NBEAL2: variants seen among roughly 807,000 people sequenced by gnomAD.
NBEAL2 encodes neurobeachin like 2.
A neutral mutation model predicts 299.8 loss-of-function variants in NBEAL2; 160 were observed. The observed-to-expected ratio is 0.53, with a 90% CI of 0.47 to 0.61. NBEAL2 has a LOEUF of 0.61. NBEAL2 is among the 20% of genes least tolerant of loss of function. The probability of loss-of-function intolerance (pLI) is 0.00; values close to 1 mark genes in which losing one functional copy is unlikely to be tolerated. For synonymous variants in NBEAL2, 1,493 were observed against 1,542.3 expected, an observed-to-expected ratio of 0.97 and a Z score of 0.75; for missense variants, 3,112 against 3,649.0, an observed-to-expected ratio of 0.85 and a Z score of 3.79.
intron 52 of NBEAL2, 70 bp downstream of exon 52, chr3:47,008,738 G>T: frequency 6.3e-7 from 1 of 1,590,722 alleles, no homozygotes; most frequent in Non-Finnish European, 8.5e-7. Context: ...AAGGCCCTAG[G>T]AACCCACACA....
rs762269150 is a variant in NBEAL2, at chr3:46,995,486, C to T, written c.1751C>T (p.Thr584Met). ...CGTGCTCTGCGCTACTTTGACCTCA[C>T]GCCCAGCATGGCGGGCATCATGGTA... is the stretch of plus-strand genomic sequence containing the variant. ...PARALRYFDLTPSMAGIMVPP... is the reference protein window; with the variant it reads ...PARALRYFDLMPSMAGIMVPP... Residue 584 changes from threonine to methionine, a missense_variant, in exon 13 of 54, where the codon ACG becomes ATG. Around this residue, in one of 3 missense-constraint regions of NBEAL2, gnomAD observed 2,243 missense variants for 2,538.1 expected, o/e 0.88. Coordinates refer to ENST00000450053, the MANE Select transcript of NBEAL2 (RefSeq NM_015175.3). The T allele has an allele frequency of 1.9e-5, 30 of 1,612,774 alleles. No homozygotes were observed. Among genetic ancestry groups the T allele is most frequent in the African/African-American group, 2.7e-5 (2 of 74,944 alleles).
Position 46,988,955 on chromosome 3 carries a change from T to G in NBEAL2, c.254T>G (p.Phe85Cys). 1 of 1,612,764 alleles carries G rather than the reference T, an allele frequency of 6.2e-7. No homozygotes were observed. The highest frequency in any genetic ancestry group is 2.2e-5 in the East Asian group (1 of 44,836). ...CAAGCCCTCCTGCTGCTCAAGCTCT[T>G]CATCATTCTCTGCAGGTGTCTCTGT... ...LEQALLLLKL[F>C]IILCRNLENI... is the part of the protein sequence containing the mutation. The change falls in exon 3 of 54, where the codon TTC becomes TGC. Residue 85 changes from phenylalanine (F) to cysteine (C), a missense_variant. Around this residue, in one of 3 missense-constraint regions of NBEAL2, gnomAD observed 2,243 missense variants for 2,538.1 expected, o/e 0.88. Coordinates refer to ENST00000450053, the MANE Select transcript of NBEAL2 (RefSeq NM_015175.3). The surrounding 1 kb of genome is among the most constrained non-coding windows in gnomAD (Gnocchi z 4.4).
At position 46,999,696 on chromosome 3, in the gene NBEAL2, G is replaced by C. The variant is rs369313817; in HGVS notation, c.3770G>C (p.Arg1257Pro). 1 of 1,613,440 alleles carries C rather than the reference G, an allele frequency of 6.2e-7. No individual in the cohort carries two copies. Among genetic ancestry groups the C allele is most frequent in the Non-Finnish European group, 8.5e-7 (1 of 1,179,780 alleles). Residue 1257 changes from arginine to proline, a missense_variant, in exon 26 of 54, where the codon CGC becomes CCC. This residue lies in a region of NBEAL2 where 2,243 missense variants were observed against 2,538.1 expected (regional missense o/e 0.88). Transcript: ENST00000450053. The part of the protein sequence containing the change: ...QLSLQADLSV[R>P]LDICRQLFHL... The stretch of plus-strand genomic sequence containing the variant: ...TCCCTCCAGGCTGACCTCAGCGTTC[G>C]CCTAGACATCTGTCGCCAGGTGAGC...
chr3:47,007,815 G>C lies in NBEAL2; in HGVS notation c.7508-1G>C. Reference sequence around the variant, plus strand: ...GCCTGTACCCTCCCCTTCCCATGCAGATGTAGTAACCTGCCTTGCACTGGA... The same window carrying C: ...GCCTGTACCCTCCCCTTCCCATGCACATGTAGTAACCTGCCTTGCACTGGA... On this transcript the variant is annotated splice_acceptor_variant, in intron 48 of 53. Coordinates refer to ENST00000450053, the MANE Select transcript of NBEAL2 (RefSeq NM_015175.3). LOFTEE classifies it high-confidence loss of function. 1 of 1,613,148 alleles carries C rather than the reference G, an allele frequency of 6.2e-7. No individual in the cohort carries two copies. Among genetic ancestry groups the C allele is most frequent in the Non-Finnish European group, 8.5e-7 (1 of 1,179,620 alleles).
At chr3:46,998,663 C>A (rs1215229402) in intron 22 of NBEAL2, 54 bp from the exon 23 acceptor site, 1 of 1,553,716 alleles carries the variant, frequency 6.4e-7, no homozygotes, top group Non-Finnish European at 8.7e-7. Context: ...CCTGCCCACC[C>A]TCTCTCCCCG....
chr3:46,989,596 C>T lies in NBEAL2; in HGVS notation c.556+3C>T. 1 of 1,581,306 alleles carries T rather than the reference C, an allele frequency of 6.3e-7. No individual in the cohort carries two copies. The highest frequency in any genetic ancestry group is 8.6e-7 in the Non-Finnish European group (1 of 1,163,436). On this transcript the variant is annotated splice_donor_region_variant and intron_variant, in intron 6 of 53. Transcript: ENST00000450053. The surrounding 1 kb of genome is among the most constrained non-coding windows in gnomAD (Gnocchi z 5.5). ...GGAATTCAGCGCCTTCTTCCAAGGT[C>T]AGGCCCCGCCCCTGCCCCCACTTGG...
In NBEAL2 at chr3:47,007,148, A is replaced by G; in HGVS notation, c.7217A>G (p.Asp2406Gly). ...TCCTTCATCACCCAGGGTTCCCCAG[A>G]CCTGTTGGTAAGTGCATTGTGCAGA... is the stretch of plus-strand genomic sequence containing the variant. ...PHSFITQGSP[D>G]LLVTVSASGL... Residue 2406 changes from aspartate to glycine, a missense_variant, in exon 46 of 54, where the codon GAC becomes GGC. Around this residue, in one of 3 missense-constraint regions of NBEAL2, gnomAD observed 521 missense variants for 729.6 expected, o/e 0.71. Coordinates refer to ENST00000450053, the MANE Select transcript of NBEAL2 (RefSeq NM_015175.3). The G allele has an allele frequency of 2.5e-6, 4 of 1,613,566 alleles. No homozygotes were observed.
rs746102331 is a variant in NBEAL2, at chr3:47,008,503, C to G, written c.7879-17C>G. 4 of 1,611,408 alleles carry G rather than the reference C, an allele frequency of 2.5e-6. No individual in the cohort carries two copies. The highest frequency in any genetic ancestry group is 3.4e-6 in the Non-Finnish European group (4 of 1,177,888). On this transcript the variant is annotated splice_polypyrimidine_tract_variant and intron_variant, in intron 51 of 53. Coordinates refer to ENST00000450053, the MANE Select transcript of NBEAL2 (RefSeq NM_015175.3). ...AGTTGGGATCCTGTCCTTGCTGACA[C>G]TCCCTGCTTCCTCCAGGTCACCTAC...
Position 47,000,553 on chromosome 3 carries a change from C to A in NBEAL2, c.4305+149C>A. ...CAGGCCTATTGCTGTCCCCTCATAG[C>A]TCTCATCTGCAGTTGTGTTCCCAGA... is the stretch of plus-strand genomic sequence containing the variant. On this transcript the variant is annotated intron_variant, in intron 27 of 53. Coordinates refer to ENST00000450053, the MANE Select transcript of NBEAL2 (RefSeq NM_015175.3). This position sits in a 1 kb window ranked among gnomAD's most constrained non-coding sequence, Gnocchi z 4.5. The A allele has an allele frequency of 9.5e-7, 1 of 1,049,670 alleles. No homozygotes were observed. Among genetic ancestry groups the A allele is most frequent in the Non-Finnish European group, 1.4e-6 (1 of 735,794 alleles). The allele number at this position is 1,049,670 out of a possible 1,614,324, so 65.0% of individuals were successfully genotyped here.
At position 46,998,724 on chromosome 3, in the gene NBEAL2, C is replaced by T. The variant is rs781088109; in HGVS notation, c.3229C>T (p.Arg1077Trp). ...DALRTHYSPQRERPLAADDLR... is the reference protein window; with the variant it reads ...DALRTHYSPQWERPLAADDLR... ...TGCCTACTGACCTGCCAGCCCGCAG[C>T]GGGAGCGCCCCCTGGCTGCTGACGA... The change falls in exon 23 of 54, where the codon CGG becomes TGG. Residue 1077 changes from arginine to tryptophan, a missense_variant. Arg to Trp is a moderately radical substitution (Grantham distance 101). This residue lies in a region of NBEAL2 where 2,243 missense variants were observed against 2,538.1 expected (regional missense o/e 0.88). Coordinates refer to ENST00000450053, the MANE Select transcript of NBEAL2 (RefSeq NM_015175.3). The T allele has an allele frequency of 7.6e-6, 12 of 1,574,688 alleles. No individual in the cohort carries two copies. Among genetic ancestry groups the T allele is most frequent in the Admixed American group, 3.6e-5 (2 of 55,368 alleles).
chr3:46,995,974 A>G lies in NBEAL2; in HGVS notation c.2074A>G (p.Ser692Gly), dbSNP rs1461070321. ...IVHVPGRRPF[S>G]QNLVHVYKDG... ...CCATGTGCCTGGGCGCCGGCCCTTC[A>G]GCCAGAACCTGGTCCATGTCTACAA... The change falls in exon 15 of 54, where the codon AGC (serine) becomes GGC (glycine). Residue 692 changes from serine (S) to glycine (G), a missense_variant. Ser to Gly is a moderately conservative substitution (Grantham distance 56, BLOSUM62 0). Transcript: ENST00000450053. The G allele has an allele frequency of 1.9e-6, 3 of 1,613,120 alleles. No individual in the cohort carries two copies. The Admixed American group carries it at 5.0e-5, about 27-fold the overall frequency.
rs1207986605 is a variant in NBEAL2, at chr3:47,002,757, C to T, written c.5414C>T (p.Ala1805Val). ...TCCATGGCCCTGCTGCACTGGGGGGCGCTGTGGCGCCAGCTCGCCAGCCCA... is the reference window on the plus strand; with the variant it reads ...TCCATGGCCCTGCTGCACTGGGGGGTGCTGTGGCGCCAGCTCGCCAGCCCA... ...QHSMALLHWGALWRQLASPCG... is the reference protein window; with the variant it reads ...QHSMALLHWGVLWRQLASPCG... The change falls in exon 33 of 54, where the codon GCG becomes GTG. Residue 1805 changes from alanine (A) to valine (V), a missense_variant. This residue lies in a region of NBEAL2 where 2,243 missense variants were observed against 2,538.1 expected (regional missense o/e 0.88). Transcript: ENST00000450053. The T allele has an allele frequency of 1.3e-5, 20 of 1,569,044 alleles. No homozygotes were observed. The highest frequency in any genetic ancestry group is 3.7e-4 in the Middle Eastern group (2 of 5,386).
At chr3:46,986,585 A>T (rs1475271142) in intron 1 of NBEAL2, among the ~76,000 whole-genome samples, 2 of 152,120 alleles carry the variant, frequency 1.3e-5, no homozygotes, top group Non-Finnish European at 1.5e-5. Context: ...AGCTGGCAGG[A>T]AGACTCACAT....
intron 12 of NBEAL2, 142 bp downstream of exon 12, chr3:46,994,695 T>G (rs760833192): frequency 2.0e-5 from 15 of 764,492 alleles, no homozygotes; most frequent in Admixed American, 2.6e-5. Context: ...GCCATGTCTG[T>G]TAGTGTCACT....
chr3:46,990,251 C>T (rs1441633959), intron 6 of NBEAL2, among the ~76,000 whole-genome samples: 4 of 152,158 alleles, frequency 2.6e-5, no homozygotes, highest in African/African-American at 7.2e-5. Flanking sequence ...GGGGCAGCAA[C>T]TCCAGGAGGG....
intron 1 of NBEAL2, among the ~76,000 whole-genome samples, chr3:46,985,758 A>G (rs1207455409): frequency 6.6e-6 from 1 of 152,156 alleles, no homozygotes; most frequent in Non-Finnish European, 1.5e-5. Context: ...AGTGGGGGAC[A>G]GGGTTGGGGC....
chr3:46,999,933 G>T lies in NBEAL2; in HGVS notation c.3834G>T (p.Leu1278=). The T allele has an allele frequency of 6.2e-7, 1 of 1,611,656 alleles. No individual in the cohort carries two copies. Among genetic ancestry groups the T allele is most frequent in the Non-Finnish European group, 8.5e-7 (1 of 1,179,144 alleles). The part of the protein sequence containing the change: ...IYGQPDVVRL[L]ARQAGWQDVL... Reference sequence around the variant, plus strand: ...GACAGCCAGATGTAGTGCGGCTTCTGGCCCGACAGGCTGGCTGGCAAGATG... The same window carrying T: ...GACAGCCAGATGTAGTGCGGCTTCTTGCCCGACAGGCTGGCTGGCAAGATG... The change falls in exon 27 of 54, where the codon CTG becomes CTT. Residue 1278 remains leucine (L), a synonymous_variant. Transcript: ENST00000450053.
Position 47,001,597 on chromosome 3 carries a change from C to G in NBEAL2, c.4645-92C>G. 1 of 1,579,980 alleles carries G rather than the reference C, an allele frequency of 6.3e-7. No homozygotes were observed. Among genetic ancestry groups the G allele is most frequent in the Non-Finnish European group, 8.6e-7 (1 of 1,161,476 alleles). On this transcript the variant is annotated intron_variant, in intron 29 of 53. Coordinates refer to ENST00000450053, the MANE Select transcript of NBEAL2 (RefSeq NM_015175.3). The surrounding 1 kb of genome is among the most constrained non-coding windows in gnomAD (Gnocchi z 6.1). ...ACTTGCCTGTGTGCACAAACCCTAC[C>G]TGGCCCCCAGCGCAAACTTTACTTT...
At chr3:46,993,026 G>A (rs1056152360) in intron 10 of NBEAL2, among the ~76,000 whole-genome samples, 2 of 152,212 alleles carry the variant, frequency 1.3e-5, no homozygotes, top group Non-Finnish European at 2.9e-5. Context: ...GCTGCAGGGT[G>A]TCAGCTGGCA....
Sources: gnomAD v4.1 joint callset for allele counts (sites outside exome capture counted in the v4.1 genomes callset) on GRCh38, gnomAD v4.1.1 for gene constraint, gnomAD v4.1.1 regional missense constraint, Gnocchi (gnomAD v3.1) non-coding constraint, MANE v1.5 for transcripts, NCBI Gene and HGNC (gene_info 2026-07-23, HGNC 2026-07-21) for gene names.